The following PTPRB variants were observed in gnomAD, a reference collection of about 807,000 sequenced individuals.
PTPRB encodes receptor-type tyrosine-protein phosphatase beta.
In PTPRB, 97 loss-of-function variants were observed where a neutral mutation model predicts 238.1. The observed-to-expected ratio is 0.41, with a 90% CI of 0.35 to 0.48. The LOEUF (loss-of-function observed/expected upper bound fraction) is 0.48, where lower values mean the gene tolerates loss of function less well. PTPRB is among the 20% of genes least tolerant of loss of function. The probability of loss-of-function intolerance (pLI) is 0.30; values close to 1 mark genes in which losing one functional copy is unlikely to be tolerated. For synonymous variants in PTPRB, 970 were observed against 995.4 expected (o/e 0.97, Z 0.48); for missense variants, 2,292 against 2,681.9 (o/e 0.85, Z 3.21).
At chr12:70,546,996 C>T (rs544723488) in intron 21 of PTPRB, among the ~76,000 whole-genome samples, 9 of 151,054 alleles carry the variant, frequency 6.0e-5, no homozygotes, top group Non-Finnish European at 1.2e-4. Context: ...ATGAAAGTGA[C>T]GAGAAGTACT....
At chr12:70,538,007 A>ATT (rs3214594) in intron 28 of PTPRB, 148 bp downstream of exon 28, 441 of 582,630 alleles carry the variant, frequency 7.6e-4, no homozygotes, top group East Asian at 1.9e-3. Flanking sequence ...TGGATACCCC[A>ATT]TTTTTTTTAT....
chr12:70,604,946 C>T (rs1883821924), intron 4 of PTPRB, among the ~76,000 whole-genome samples: 2 of 152,112 alleles, frequency 1.3e-5, no homozygotes, highest in South Asian at 4.1e-4. Flanking sequence ...GTTGTTTAAG[C>T]CACCTAGAGT....
chr12:70,625,326 C>T (rs957138082), intron 2 of PTPRB, among the ~76,000 whole-genome samples: 1 of 152,154 alleles, frequency 6.6e-6, no homozygotes, highest in Non-Finnish European at 1.5e-5. Flanking sequence ...AGCCTTGGTC[C>T]TGCTCCTGGA....
chr12:70,558,283 T>G (rs184340966), intron 18 of PTPRB, among the ~76,000 whole-genome samples: 65 of 152,306 alleles, frequency 4.3e-4, no homozygotes, highest in Middle Eastern at 3.4e-3. Context: ...AAACTCTTAG[T>G]TCTTTTTCAC....
In PTPRB at chr12:70,609,062, C is replaced by T. The variant is rs371358147; in HGVS notation, c.979+7G>A. The stretch of plus-strand genomic sequence containing the variant: ...TTGGCCATCCAATTGCACCTGTCAT[C>T]CTTTACCTGTTTGCAAGACCACTGT... On this transcript the variant is annotated splice_region_variant and intron_variant, in intron 4 of 33. Coordinates refer to ENST00000334414, the MANE Select transcript of PTPRB (RefSeq NM_001109754.4). 133 of 1,613,610 alleles carry T rather than the reference C, an allele frequency of 8.2e-5. No individual in the cohort carries two copies. The highest frequency in any genetic ancestry group is 1.1e-4 in the Non-Finnish European group (128 of 1,179,710).
At chr12:70,534,043 G>A (rs954970283) in intron 31 of PTPRB, among the ~76,000 whole-genome samples, 2 of 152,214 alleles carry the variant, frequency 1.3e-5, no homozygotes, top group African/African-American at 4.8e-5. Context: ...GTAGGACTTA[G>A]GTGGAGAAGA....
In PTPRB at chr12:70,520,001, A is replaced by G. The variant is rs1312903266; in HGVS notation, c.*1488T>C. ...TTCGTTGTATTCACTTACGGACTTTATGGTAGGTTACAAAAATATATACTT... is the reference window on the plus strand; with the variant it reads ...TTCGTTGTATTCACTTACGGACTTTGTGGTAGGTTACAAAAATATATACTT... On this transcript the variant is annotated 3_prime_UTR_variant, in exon 34 of 34. Transcript: ENST00000334414. 1 of 251,834 alleles carries G rather than the reference A, an allele frequency of 4.0e-6. No individual in the cohort carries two copies. 15.6% of individuals were successfully genotyped at this position (251,834 alleles called of 1,614,324 possible).
chr12:70,531,980 G>T (rs1873321247), intron 32 of PTPRB, 55 bp downstream of exon 32: 2 of 1,600,696 alleles, frequency 1.2e-6, no homozygotes, highest in Non-Finnish European at 8.5e-7. Context: ...ATATTTTTTT[G>T]TGGGAATACA....
chr12:70,618,994 G>A (rs1210733612), intron 3 of PTPRB, among the ~76,000 whole-genome samples: 1 of 152,136 alleles, frequency 6.6e-6, no homozygotes, highest in Non-Finnish European at 1.5e-5. Flanking sequence ...GAGAGAAAAG[G>A]AGAACGGCAG....
chr12:70,596,082 G>A lies in PTPRB; in HGVS notation c.1225C>T (p.Arg409Cys), dbSNP rs201101635. Residue 409 changes from arginine (R) to cysteine (C), a missense_variant, in exon 5 of 34, where the codon CGT becomes TGT. Physicochemically the swap from Arg to Cys is radical, Grantham distance 180. Coordinates refer to ENST00000334414, the MANE Select transcript of PTPRB (RefSeq NM_001109754.4). ...IAITAVSGGK[R>C]SFSVYTNGST... The stretch of plus-strand genomic sequence containing the variant: ...CCATTGGTATAAACTGAAAAAGAAC[G>A]TTTTCCTCCAGAAACAGCTGTGATG... 9.0e-5 allele frequency: 145 copies of A among 1,611,156 alleles called. No individual in the cohort carries two copies. Among genetic ancestry groups the A allele is most frequent in the Middle Eastern group, 3.3e-4 (2 of 6,040 alleles).
intron 9 of PTPRB, among the ~76,000 whole-genome samples, chr12:70,585,469 A>G (rs1014245804): frequency 2.0e-5 from 3 of 151,932 alleles, no homozygotes; most frequent in African/African-American, 7.3e-5. Context: ...AGGTGACTGG[A>G]TCATGGGAGT....
At chr12:70,542,441 G>C (rs2136263771) in intron 22 of PTPRB, 1 of 152,242 alleles carries the variant, frequency 6.6e-6, no homozygotes, top group Admixed American at 6.5e-5. Flanking sequence ...AGCCGGGTGT[G>C]GTGGCGCATG....
chr12:70,581,414 G>T, intron 9 of PTPRB, 112 bp from the exon 10 acceptor site: 1 of 1,144,914 alleles, frequency 8.7e-7, no homozygotes. Context: ...AATAATTTTT[G>T]TGTTGTTGCT....
In PTPRB at chr12:70,539,947, G is replaced by A. The variant is rs1297128426; in HGVS notation, c.5670C>T (p.Gly1890=). 6.2e-7 allele frequency: 1 copy of A among 1,609,332 alleles called. No homozygotes were observed. Among genetic ancestry groups the A allele is most frequent in the Non-Finnish European group, 8.5e-7 (1 of 1,175,834 alleles). ...GCAAATGTGGTGCTTACCCTTTCTG[G>A]CCCAGGTTTAAGTGGACAGATAATG... is the stretch of plus-strand genomic sequence containing the variant. ...DRPLSVHLNL[G]QKGNRKTSCP... Residue 1890 remains glycine, a synonymous_variant, in exon 24 of 34, where the codon GGC becomes GGT. Coordinates refer to ENST00000334414, the MANE Select transcript of PTPRB (RefSeq NM_001109754.4).
At chr12:70,551,542 C>T (rs1406044137) in intron 21 of PTPRB, among the ~76,000 whole-genome samples, 1 of 151,268 alleles carries the variant, frequency 6.6e-6, no homozygotes, top group East Asian at 1.9e-4. Flanking sequence ...TTGGAAGTGG[C>T]AGGAGAGTTT....
chr12:70,538,964 C>A lies in PTPRB; in HGVS notation c.5829G>T (p.Pro1943=). Residue 1943 remains proline, a synonymous_variant, in exon 27 of 34, where the codon CCG becomes CCT. Transcript: ENST00000334414. ...RNQSCDIALL[P]ENRGKNRYNN... is the part of the protein sequence containing the mutation. Reference sequence around the variant, plus strand: ...TGTATCGATTTTTCCCTCTATTCTCCGGCAAGAGTGCAATGTCACATGACT... The same window carrying A: ...TGTATCGATTTTTCCCTCTATTCTCAGGCAAGAGTGCAATGTCACATGACT... The A allele has an allele frequency of 6.2e-7, 1 of 1,613,700 alleles. No homozygotes were observed. Among genetic ancestry groups the A allele is most frequent in the Non-Finnish European group, 8.5e-7 (1 of 1,179,770 alleles).
intron 11 of PTPRB, among the ~76,000 whole-genome samples, chr12:70,575,647 A>G (rs1880602184): frequency 6.6e-6 from 1 of 152,236 alleles, no homozygotes. Flanking sequence ...TAAAATACAG[A>G]AATCAACCCA....
intron 10 of PTPRB, among the ~76,000 whole-genome samples, chr12:70,578,364 A>G (rs1235517952): frequency 1.3e-5 from 2 of 152,166 alleles, no homozygotes; most frequent in Admixed American, 6.5e-5. Flanking sequence ...TTTACAATTG[A>G]CTGTGTACAA....
rs1871230376 is a variant in PTPRB at position 70,516,842 on chromosome 12, A to G, written c.*4647T>C. 6.6e-6 allele frequency: 1 copy of G among 152,214 alleles called. No homozygotes were observed. 9.4% of individuals were successfully genotyped at this position (152,214 alleles called of 1,614,324 possible). ...GTTAATCTCTTATTTCCATTACATA[A>G]GCCTCTATTTTCAGAGCATTCACCA... On this transcript the variant is annotated 3_prime_UTR_variant, in exon 34 of 34. Coordinates refer to ENST00000334414, the MANE Select transcript of PTPRB (RefSeq NM_001109754.4).
Sources: allele counts gnomAD v4.1 joint callset (sites outside exome capture counted in the v4.1 genomes callset), GRCh38; gene constraint gnomAD v4.1.1; transcripts MANE v1.5; gene names NCBI Gene and HGNC (gene_info 2026-07-23, HGNC 2026-07-21).